The following TRMT9B variants were observed in gnomAD, a reference collection of about 807,000 sequenced individuals.
The protein encoded by TRMT9B is tRNA methyltransferase 9B (putative).
Under a neutral mutation model 11.5 loss-of-function variants are expected in TRMT9B, and 16 were observed. The observed-to-expected ratio is 1.39, with a 90% CI of 0.94 to 2.11. TRMT9B has a LOEUF of 2.11. Among genes scored for constraint, TRMT9B ranks in the 30% most tolerant of loss-of-function variants. TRMT9B has a pLI of 0.00. For missense variants in TRMT9B, 941 were observed against 553.8 expected (o/e 1.70, Z -7.02); for synonymous variants, 274 against 192.4 (o/e 1.42, Z -3.51).
chr8:12,997,458 C>A (rs1311226340), intron 2 of TRMT9B, among the ~76,000 whole-genome samples: 1 of 152,108 alleles, frequency 6.6e-6, no homozygotes, highest in Non-Finnish European at 1.5e-5. Context: ...GCCTGTAGAA[C>A]CATGAACCAA....
intron 1 of TRMT9B, among the ~76,000 whole-genome samples, chr8:12,977,484 C>T (rs1022343311): frequency 1.3e-5 from 2 of 152,126 alleles, no homozygotes; most frequent in Non-Finnish European, 2.9e-5. Context: ...GGGTGGATCA[C>T]GAGGTCGAGA....
At chr8:12,977,961 C>G (rs1401753973) in intron 1 of TRMT9B, among the ~76,000 whole-genome samples, 1 of 152,012 alleles carries the variant, frequency 6.6e-6, no homozygotes, top group East Asian at 1.9e-4. Flanking sequence ...CCTGGGAGGT[C>G]AAGGCTGCAG....
At chr8:13,019,318 G>C (rs946684962) in intron 4 of TRMT9B, among the ~76,000 whole-genome samples, 1 of 152,094 alleles carries the variant, frequency 6.6e-6, no homozygotes, top group Non-Finnish European at 1.5e-5. Context: ...TTGAGACAGC[G>C]TCTCACTCTG....
chr8:12,966,139 A>C (rs1802782722), intron 1 of TRMT9B, among the ~76,000 whole-genome samples: 1 of 124,964 alleles, frequency 8.0e-6, no homozygotes, highest in African/African-American at 2.6e-5. Flanking sequence ...CAGCCTGGGC[A>C]ACATAGTAAG....
intron 1 of TRMT9B, among the ~76,000 whole-genome samples, chr8:12,953,944 C>T (rs536644255): frequency 6.6e-6 from 1 of 152,328 alleles, no homozygotes; most frequent in African/African-American, 2.4e-5. Context: ...CTTTTTCTAA[C>T]TCCAAAGAAA....
At chr8:12,990,790 A>C in intron 1 of TRMT9B, 44 bp from the exon 2 acceptor site, 1 of 1,242,132 alleles carries the variant, frequency 8.1e-7, no homozygotes, top group Non-Finnish European at 1.1e-6. Flanking sequence ...CTCCATATAC[A>C]TACCATGTGA....
chr8:13,004,712 T>C (rs183693702), intron 2 of TRMT9B, among the ~76,000 whole-genome samples: 7 of 152,188 alleles, frequency 4.6e-5, no homozygotes, highest in Admixed American at 2.0e-4. Context: ...TGAGTCTTGC[T>C]GGCTCCAGAT....
At chr8:13,016,419 G>C (rs1029460988) in intron 4 of TRMT9B, among the ~76,000 whole-genome samples, 21 of 148,214 alleles carry the variant, frequency 1.4e-4, no homozygotes, top group African/African-American at 5.2e-4. Flanking sequence ...ATAAAAGGAA[G>C]TATACTATGA....
At chr8:12,963,886 G>A (rs1477460382) in intron 1 of TRMT9B, among the ~76,000 whole-genome samples, 2 of 152,274 alleles carry the variant, frequency 1.3e-5, no homozygotes, top group East Asian at 1.9e-4. Context: ...GTGGACATGT[G>A]GAATCAGCCC....
chr8:12,950,584 A>C (rs1016316921), intron 1 of TRMT9B, among the ~76,000 whole-genome samples: 1 of 142,166 alleles, frequency 7.0e-6, no homozygotes, highest in African/African-American at 2.7e-5. Flanking sequence ...AGGCCTTTAC[A>C]GAAAAAGAAA....
At chr8:12,951,671 C>A (rs1800634367) in intron 1 of TRMT9B, 1 of 151,896 alleles carries the variant, frequency 6.6e-6, no homozygotes, top group South Asian at 2.1e-4. Flanking sequence ...CAGCTGAGCC[C>A]GAGCGCCGCC....
At chr8:12,966,759 C>T (rs1393065662) in intron 1 of TRMT9B, among the ~76,000 whole-genome samples, 5 of 152,126 alleles carry the variant, frequency 3.3e-5, no homozygotes, top group South Asian at 4.1e-4. Flanking sequence ...TCATTTCTAG[C>T]GCATAGGGTT....
At chr8:13,001,686 G>A (rs1809483220) in intron 2 of TRMT9B, among the ~76,000 whole-genome samples, 1 of 152,068 alleles carries the variant, frequency 6.6e-6, no homozygotes, top group Non-Finnish European at 1.5e-5. Context: ...AGAAAAAAGC[G>A]AGATTTTTGA....
intron 2 of TRMT9B, among the ~76,000 whole-genome samples, chr8:13,004,855 G>A (rs1810137154): frequency 6.6e-6 from 1 of 152,022 alleles, no homozygotes. Context: ...AGGGGTCTTT[G>A]GAAAGGGGAG....
intron 4 of TRMT9B, among the ~76,000 whole-genome samples, chr8:13,016,265 A>C (rs888088499): frequency 4.8e-5 from 7 of 146,392 alleles, no homozygotes; most frequent in Non-Finnish European, 9.0e-5. Context: ...TGAAATATAT[A>C]TTTATATATA....
At chr8:12,988,617 C>T (rs531840982) in intron 1 of TRMT9B, among the ~76,000 whole-genome samples, 26 of 152,188 alleles carry the variant, frequency 1.7e-4, no homozygotes, top group South Asian at 4.2e-4. Flanking sequence ...GGAAAAAATT[C>T]CCTTATAAAA....
intron 2 of TRMT9B, among the ~76,000 whole-genome samples, chr8:13,005,796 C>A (rs113932284): frequency 6.6e-6 from 1 of 152,064 alleles, no homozygotes; most frequent in African/African-American, 2.4e-5. Context: ...GAATTAATAG[C>A]GCTTTGCTAT....
At chr8:12,992,030 C>G (rs1807436089) in intron 2 of TRMT9B, among the ~76,000 whole-genome samples, 1 of 152,198 alleles carries the variant, frequency 6.6e-6, no homozygotes, top group Admixed American at 6.5e-5. Context: ...TGCCCATTGA[C>G]TCACAGCTGG....
Position 13,024,821 on chromosome 8 carries a change from A to G in TRMT9B, c.*2777A>G, listed in dbSNP as rs140268322. On this transcript the variant is annotated 3_prime_UTR_variant, in exon 5 of 5. Coordinates refer to ENST00000524591, the MANE Select transcript of TRMT9B (RefSeq NM_020844.3). ...TATGCATCCAGATATTATTTTGTAT[A>G]CAAATATTTAATTTGGTGATTGATA... 6.0e-6 allele frequency: 1 copy of G among 167,076 alleles called. No homozygotes were observed. The highest frequency in any genetic ancestry group is 2.4e-5 in the African/African-American group (1 of 41,588). The allele number at this position is 167,076 out of a possible 1,614,324, so 10.3% of individuals were successfully genotyped here.
Sources: gnomAD v4.1 joint callset for allele counts (sites outside exome capture counted in the v4.1 genomes callset) on GRCh38, gnomAD v4.1.1 for gene constraint, MANE v1.5 for transcripts, NCBI Gene and HGNC (gene_info 2026-07-23, HGNC 2026-07-21) for gene names.